GP2: variants seen among roughly 807,000 people sequenced by gnomAD.
GP2 encodes glycoprotein 2, also known as pancreatic secretory granule membrane major glycoprotein GP2.
In GP2, 58 loss-of-function variants were observed where a neutral mutation model predicts 60.8. That is an observed-to-expected ratio of 0.95 (90% CI 0.77 to 1.19). The LOEUF is 1.19. GP2 is among the 50% of genes most tolerant of loss of function. The probability of loss-of-function intolerance (pLI) is 0.00; values close to 1 mark genes in which losing one functional copy is unlikely to be tolerated. For missense variants in GP2, 647 were observed against 667.4 expected (o/e 0.97, Z 0.34); for synonymous variants, 280 against 253.4 (o/e 1.10, Z -1.00).
At position 20,310,182 on chromosome 16, in the gene GP2, G is replaced by C. The variant is rs976106595; in HGVS notation, c.*1041C>G. 4 of 152,380 alleles carry C rather than the reference G, an allele frequency of 2.6e-5. No individual in the cohort carries two copies. In the East Asian group the frequency reaches 7.7e-4, roughly 29 times the overall value. The allele number at this position is 152,380 out of a possible 1,614,324, so 9.4% of individuals were successfully genotyped here. On this transcript the variant is annotated 3_prime_UTR_variant, in exon 11 of 11. Transcript: ENST00000302555. The stretch of plus-strand genomic sequence containing the variant: ...GCTTTGCAGTTTCATTCCCATAGCA[G>C]GACTGGTGCATTGCTTCTGTTGGGA...
intron 8 of GP2, 50 bp downstream of exon 8, chr16:20,317,163 A>ACCAGGCTCCATG (rs761260782): frequency 1.9e-6 from 2 of 1,060,320 alleles, no homozygotes; most frequent in South Asian, 3.0e-5. Context: ...CCTATCAGGT[A>ACCAGGCTCCATG]CCAGGCTCCA....
chr16:20,322,691 C>G (rs372972485), intron 4 of GP2, among the ~76,000 whole-genome samples, 178 bp downstream of exon 4: 1 of 152,190 alleles, frequency 6.6e-6, no homozygotes, highest in African/African-American at 2.4e-5. Flanking sequence ...TCCAACCCTG[C>G]CCTCCTATCC....
In GP2 at chr16:20,327,467, C is replaced by A. The variant is rs1393400455; in HGVS notation, c.-37G>T. ...TCCTGGGGCTTAAAGCAGGACTTAC[C>A]TCCGATGAGAACACAAAGCGTTCCT... On this transcript the variant is annotated splice_region_variant and 5_prime_UTR_variant, in exon 1 of 11. Coordinates refer to ENST00000302555, the MANE Select transcript of GP2 (RefSeq NM_001502.4). The A allele has an allele frequency of 6.2e-6, 8 of 1,287,994 alleles. No individual in the cohort carries two copies. The South Asian group carries it at 8.7e-5, about 14-fold the overall frequency. 79.8% of individuals were successfully genotyped at this position (1,287,994 alleles called of 1,614,324 possible). A position where few individuals can be genotyped will look rare whatever the true frequency, so the allele number is the denominator to read the frequency against.
At chr16:20,319,527 A>T in intron 6 of GP2, 93 bp downstream of exon 6, 1 of 832,800 alleles carries the variant, frequency 1.2e-6, no homozygotes, top group Non-Finnish European at 2.0e-6. Context: ...GGAGGCTGGC[A>T]GTATGGTGTG....
rs534378128 is a variant in GP2 at position 20,326,581 on chromosome 16, T to C, written c.-36-114A>G. Reference sequence around the variant, plus strand: ...ATTGTTTCAAAGTAGGTGTGACTTATGGACAGATAGAGCGAGATAATGGGT... The same window carrying C: ...ATTGTTTCAAAGTAGGTGTGACTTACGGACAGATAGAGCGAGATAATGGGT... On this transcript the variant is annotated intron_variant, in intron 1 of 10. Coordinates refer to ENST00000302555, the MANE Select transcript of GP2 (RefSeq NM_001502.4). The C allele has an allele frequency of 3.8e-4, 313 of 832,912 alleles. 1 individual carries two copies. The South Asian group carries it at 5.4e-3, about 14-fold the overall frequency. The allele number at this position is 832,912 out of a possible 1,614,324, so 51.6% of individuals were successfully genotyped here.
At chr16:20,317,121 C>T (rs367947998) in intron 8 of GP2, 92 bp downstream of exon 8, 4 of 238,696 alleles carry the variant, frequency 1.7e-5, no homozygotes, top group African/African-American at 2.4e-5. Flanking sequence ...ACCCTCCCTG[C>T]GTTTATAATT....
intron 3 of GP2, 147 bp downstream of exon 3, chr16:20,323,667 CCT>C (rs1391538200): frequency 1.6e-6 from 1 of 622,038 alleles, no homozygotes; most frequent in East Asian, 2.7e-5. Context: ...GGTCTCAACC[CCT>C]GTGTTGAGTT....
intron 6 of GP2, 94 bp downstream of exon 6, chr16:20,319,526 C>A (rs1237725667): frequency 2.4e-6 from 2 of 821,798 alleles, no homozygotes; most frequent in Non-Finnish European, 4.0e-6. Context: ...AGGAGGCTGG[C>A]AGTATGGTGT....
intron 1 of GP2, 188 bp from the exon 2 acceptor site, chr16:20,326,655 T>C (rs1964543087): frequency 1.8e-6 from 1 of 542,784 alleles, no homozygotes; most frequent in Middle Eastern, 4.8e-4. Context: ...AGCTGGCTAG[T>C]ACTGCAGAAT....
Position 20,320,673 on chromosome 16 carries a change from G to A in GP2, c.647-200C>T, listed in dbSNP as rs2141603775. On this transcript the variant is annotated intron_variant, in intron 4 of 10. Transcript: ENST00000302555. ...CATTCAAGATTTCCAAGTGTCCTAT[G>A]TGCAGGCTTGCTAAGGTTTTTTAGT... 1.3e-5 allele frequency among the ~76,000 whole-genome samples: 2 copies of A among 152,328 alleles called. 1 individual carries two copies. The highest frequency in any genetic ancestry group is 3.9e-4 in the East Asian group (2 of 5,188).
At chr16:20,326,212 A>G (rs1964529369) in intron 2 of GP2, 126 bp downstream of exon 2, 9 of 709,298 alleles carry the variant, frequency 1.3e-5, no homozygotes, top group South Asian at 6.8e-5. Flanking sequence ...CTTGACTTCT[A>G]GCTCTGAGTT....
At chr16:20,323,597 A>T in intron 3 of GP2, 1 of 602,514 alleles carries the variant, frequency 1.7e-6, no homozygotes, top group South Asian at 2.1e-5. Context: ...TATGCTACAC[A>T]CATTTATAAA....
chr16:20,323,853 C>T lies in GP2; in HGVS notation c.498G>A (p.Leu166=). Residue 166 remains leucine, a synonymous_variant, in exon 3 of 11, where the codon TTG becomes TTA. Transcript: ENST00000302555. The stretch of plus-strand genomic sequence containing the variant: ...TCAGATTACACCAGGGAGTGCCTTC[C>T]AACCGGTACACATGGTACCCGCCTG... The part of the protein sequence containing the change: ...ACPGGYHVYR[L]EGTPWCNLRY... 1 of 1,613,768 alleles carries T rather than the reference C, an allele frequency of 6.2e-7. No individual in the cohort carries two copies. Among genetic ancestry groups the T allele is most frequent in the Non-Finnish European group, 8.5e-7 (1 of 1,179,840 alleles).
At position 20,318,425 on chromosome 16, in the gene GP2, A is replaced by T. The variant is rs1964252369; in HGVS notation, c.1013T>A (p.Leu338Gln). 6.2e-7 allele frequency: 1 copy of T among 1,612,568 alleles called. No individual in the cohort carries two copies. The highest frequency in any genetic ancestry group is 1.3e-5 in the African/African-American group (1 of 75,028). ...QAALQPIVSS[L>Q]NVSVDGNGEF... ...TCCATTCCCGTCCACACTGACGTTC[A>T]GGGAACTGAGAAAAAGAAAGCCACA... The change falls in exon 7 of 11, where the codon CTG becomes CAG. Residue 338 changes from leucine to glutamine, a missense_variant. Leu to Gln is a moderately radical substitution (Grantham distance 113). Coordinates refer to ENST00000302555, the MANE Select transcript of GP2 (RefSeq NM_001502.4).
At position 20,315,983 on chromosome 16, in the gene GP2, G is replaced by A. The variant is rs1264862259; in HGVS notation, c.1474C>T (p.Leu492=). ...CTCCGAGTGATGGGCCCCAAATCTA[G>A]AACCCGGGCTAGGTCGATGGCCGGT... ...EVPAIDLARV[L]DLGPITRRGA... is the part of the protein sequence containing the mutation. The change falls in exon 9 of 11, where the codon CTA becomes TTA. Residue 492 remains leucine (L), a synonymous_variant. Transcript: ENST00000302555. 2 of 1,613,200 alleles carry A rather than the reference G, an allele frequency of 1.2e-6. No homozygotes were observed. The highest frequency in any genetic ancestry group is 1.7e-6 in the Non-Finnish European group (2 of 1,179,152).
chr16:20,309,799 G>A lies in GP2; in HGVS notation c.*1424C>T, dbSNP rs576645463. 8 of 152,228 alleles carry A rather than the reference G, an allele frequency of 5.3e-5. No individual in the cohort carries two copies. The highest frequency in any genetic ancestry group is 2.0e-4 in the Admixed American group (3 of 15,278). The allele number at this position is 152,228 out of a possible 1,614,324, so 9.4% of individuals were successfully genotyped here. A position where few individuals can be genotyped will look rare whatever the true frequency, so the allele number is the denominator to read the frequency against. ...GATGTATCTCTTGCACTGGAACTTT[G>A]TGCTCTTATGTCCTTATAATTAACT... is the stretch of plus-strand genomic sequence containing the variant. On this transcript the variant is annotated 3_prime_UTR_variant, in exon 11 of 11. Transcript: ENST00000302555.
intron 4 of GP2, among the ~76,000 whole-genome samples, chr16:20,321,438 T>C (rs1193232999): frequency 1.3e-5 from 2 of 152,206 alleles, no homozygotes. Flanking sequence ...CTTGGTCTTG[T>C]GTAAACACCA....
At chr16:20,322,078 C>A (rs1038634189) in intron 4 of GP2, among the ~76,000 whole-genome samples, 1 of 152,198 alleles carries the variant, frequency 6.6e-6, no homozygotes. Flanking sequence ...TTCTGCTGGG[C>A]ACATCTAAGC....
intron 10 of GP2, among the ~76,000 whole-genome samples, chr16:20,313,091 C>A (rs907508765): frequency 6.6e-6 from 1 of 152,084 alleles, no homozygotes; most frequent in Non-Finnish European, 1.5e-5. Context: ...TAAGTTTGGG[C>A]TTTGAGGATG....
Sources: allele counts gnomAD v4.1 joint callset (sites outside exome capture counted in the v4.1 genomes callset), GRCh38; gene constraint gnomAD v4.1.1; transcripts MANE v1.5; gene names NCBI Gene and HGNC (gene_info 2026-07-23, HGNC 2026-07-21).